CTNNA3: variants seen among roughly 807,000 people sequenced by gnomAD.
CTNNA3 encodes the protein catenin alpha 3.
In CTNNA3, 76 loss-of-function variants were observed where a neutral mutation model predicts 95.7. The observed-to-expected ratio is 0.79, with a 90% CI of 0.66 to 0.96. The LOEUF is 0.96. Ranked by LOEUF, CTNNA3 falls within the 40% of genes least tolerant of loss-of-function variation. The probability of loss-of-function intolerance (pLI) is 0.00; values close to 1 mark genes in which losing one functional copy is unlikely to be tolerated. For missense variants in CTNNA3, 1,191 were observed against 1,089.8 expected (o/e 1.09, Z -1.31); for synonymous variants, 431 against 374.4 (o/e 1.15, Z -1.74).
chr10:66,453,048 T>C (rs2093474803), intron 11 of CTNNA3, among the ~76,000 whole-genome samples: 1 of 132,560 alleles, frequency 7.5e-6, no homozygotes, highest in Non-Finnish European at 1.6e-5. Context: ...ACCTTGTCTC[T>C]ACTAAAAATA....
intron 3 of CTNNA3, among the ~76,000 whole-genome samples, chr10:67,567,044 A>T (rs1292369559): frequency 3.3e-5 from 4 of 121,542 alleles, no homozygotes; most frequent in Non-Finnish European, 5.1e-5. Flanking sequence ...GGGGGGAGGG[A>T]TAGCATTAGG....
chr10:66,110,297 G>A (rs2133774539), intron 13 of CTNNA3, among the ~76,000 whole-genome samples: 1 of 151,158 alleles, frequency 6.6e-6, no homozygotes, highest in African/African-American at 2.4e-5. Flanking sequence ...GGGAGGTGGA[G>A]GTTGCAGTGA....
chr10:66,839,254 G>A (rs968802473), intron 7 of CTNNA3, among the ~76,000 whole-genome samples: 6 of 152,110 alleles, frequency 3.9e-5, no homozygotes, highest in Admixed American at 3.3e-4. Context: ...GACCACTGCT[G>A]ATTACCTACT....
chr10:66,293,708 C>G lies in CTNNA3; in HGVS notation c.1733-13087G>C, dbSNP rs2091728856. Among the ~76,000 whole-genome samples, 4 of 150,644 alleles carry G rather than the reference C, an allele frequency of 2.7e-5. No individual in the cohort carries two copies. In the South Asian group the frequency reaches 8.4e-4, roughly 32 times the overall value. On this transcript the variant is annotated intron_variant, in intron 12 of 17. Coordinates refer to ENST00000433211, the MANE Select transcript of CTNNA3 (RefSeq NM_013266.4). ...TGAGATGAACTCTTATTCTGTCGCC[C>G]AGGCTGGAGTGCAGTGGTGCGATCT...
At chr10:66,797,242 T>C (rs1008582905) in intron 7 of CTNNA3, among the ~76,000 whole-genome samples, 5 of 151,730 alleles carry the variant, frequency 3.3e-5, no homozygotes, top group African/African-American at 7.3e-5. Flanking sequence ...ATCTGGAAAA[T>C]AATTTAAATA....
At chr10:66,856,244 G>A (rs2132396460) in intron 7 of CTNNA3, among the ~76,000 whole-genome samples, 1 of 152,088 alleles carries the variant, frequency 6.6e-6, no homozygotes, top group Admixed American at 6.6e-5. Context: ...TGTGGCAAAG[G>A]ACATGATATT....
At chr10:66,205,842 A>G (rs2087721847) in intron 13 of CTNNA3, among the ~76,000 whole-genome samples, 1 of 151,980 alleles carries the variant, frequency 6.6e-6, no homozygotes, top group African/African-American at 2.4e-5. Flanking sequence ...CTTTTAACAG[A>G]ACTTTTAAGA....
rs61866218 is a variant in CTNNA3, at chr10:66,981,824, G to A, written c.1047+198493C>T. On this transcript the variant is annotated intron_variant, in intron 7 of 17. Transcript: ENST00000433211. ...CAACGACTTAAGAAGTGAGGACATC[G>A]AGCACATTGCATCATCTTCCTGCTG... 2.6e-5 allele frequency among the ~76,000 whole-genome samples: 4 copies of A among 152,292 alleles called. No homozygotes were observed. In the South Asian group the frequency reaches 6.2e-4, roughly 24 times the overall value.
rs1404807461 is a variant in CTNNA3 at position 66,023,889 on chromosome 10, C to T, written c.2160-35092G>A. 2.6e-5 allele frequency among the ~76,000 whole-genome samples: 4 copies of T among 152,184 alleles called. No homozygotes were observed. In the East Asian group the frequency reaches 5.8e-4, roughly 22 times the overall value. ...AAAAAAATTACAAGCTTTTATATAACGGAGAAAAATTTCTACACCCATATG... is the reference window on the plus strand; with the variant it reads ...AAAAAAATTACAAGCTTTTATATAATGGAGAAAAATTTCTACACCCATATG... On this transcript the variant is annotated intron_variant, in intron 15 of 17. Coordinates refer to ENST00000433211, the MANE Select transcript of CTNNA3 (RefSeq NM_013266.4).
In CTNNA3 at chr10:66,766,397, T is replaced by G; in HGVS notation, c.1148A>C (p.Asp383Ala). ...ATCCAGGAAAGAGTCTGACACATGA[T>G]CTATAATAGCCTTGCGGAGCTGAGA... ...LRRQLRKAIIDHVSDSFLDTT... is the reference protein window; with the variant it reads ...LRRQLRKAIIAHVSDSFLDTT... The change falls in exon 9 of 18, where the codon GAT (aspartate) becomes GCT (alanine). Residue 383 changes from aspartate (D) to alanine (A), a missense_variant. Asp to Ala is a moderately radical substitution (Grantham distance 126). Coordinates refer to ENST00000433211, the MANE Select transcript of CTNNA3 (RefSeq NM_013266.4). The G allele has an allele frequency of 6.2e-7, 1 of 1,613,680 alleles. No individual in the cohort carries two copies. Among genetic ancestry groups the G allele is most frequent in the African/African-American group, 1.3e-5 (1 of 75,038 alleles).
At chr10:66,670,939 T>G (rs1221511089) in intron 9 of CTNNA3, among the ~76,000 whole-genome samples, 2 of 152,236 alleles carry the variant, frequency 1.3e-5, no homozygotes, top group Non-Finnish European at 2.9e-5. Context: ...AGTGGATAAC[T>G]TCATGGCTAA....
At chr10:67,699,151 C>G (rs928587295), upstream of CTNNA3, among the ~76,000 whole-genome samples, 3 of 152,154 alleles carry the variant, frequency 2.0e-5, no homozygotes, top group Admixed American at 2.0e-4. Flanking sequence ...GCATTATCAC[C>G]CTTTCTCCAA....
At chr10:66,661,272 A>G (rs1846254230) in intron 9 of CTNNA3, among the ~76,000 whole-genome samples, 1 of 152,120 alleles carries the variant, frequency 6.6e-6, no homozygotes, top group Admixed American at 6.6e-5. Context: ...CATGGCTGGG[A>G]GGCCTCAGAA....
chr10:66,525,048 T>A (rs192583097), intron 10 of CTNNA3, among the ~76,000 whole-genome samples: 1 of 151,284 alleles, frequency 6.6e-6, no homozygotes, highest in Admixed American at 6.6e-5. Context: ...AAACTCCATT[T>A]CAAATAAAAA....
rs1271841154 is a variant in CTNNA3, at chr10:67,539,613, T to C, written c.349A>G (p.Lys117Glu). ...GCAGCTTGAACCACAGCCTCCCTTT[T>C]TGGGAGAAAACAGGGGTCATCTGTA... ...RFTDDPCFLP[K>E]REAVVQAARA... The change falls in exon 4 of 18, where the codon AAA (lysine) becomes GAA (glutamate). Residue 117 changes from lysine (K) to glutamate (E), a missense_variant. Physicochemically the swap from Lys to Glu is moderately conservative, Grantham distance 56 (BLOSUM62 1). Transcript: ENST00000433211. The C allele has an allele frequency of 1.9e-6, 3 of 1,613,830 alleles. No individual in the cohort carries two copies. The highest frequency in any genetic ancestry group is 2.5e-6 in the Non-Finnish European group (3 of 1,179,798).
intron 3 of CTNNA3, among the ~76,000 whole-genome samples, chr10:67,568,455 G>GTA (rs567547887): frequency 1.2e-4 from 16 of 132,230 alleles, no homozygotes; most frequent in Middle Eastern, 3.4e-3. Flanking sequence ...GATTGTTCCA[G>GTA]TATATATATA....
intron 1 of CTNNA3, among the ~76,000 whole-genome samples, chr10:67,690,576 C>T (rs1275241220): frequency 1.3e-5 from 2 of 152,128 alleles, no homozygotes; most frequent in African/African-American, 4.8e-5. Flanking sequence ...CTGATTGGTG[C>T]ATTTTTGCAG....
chr10:67,741,782 C>T (rs1392438317), intron 1 of CTNNA3, among the ~76,000 whole-genome samples: 2 of 151,034 alleles, frequency 1.3e-5, no homozygotes, highest in East Asian at 1.9e-4. Context: ...CACAGACACA[C>T]ATAGGATCAA....
intron 15 of CTNNA3, among the ~76,000 whole-genome samples, chr10:66,032,163 CA>C (rs1489095662): frequency 6.6e-6 from 1 of 152,068 alleles, no homozygotes; most frequent in African/African-American, 2.4e-5. Flanking sequence ...TATATCCTTA[CA>C]TATTATTAGA....
Sources: allele counts gnomAD v4.1 joint callset (sites outside exome capture counted in the v4.1 genomes callset), GRCh38; gene constraint gnomAD v4.1.1; transcripts MANE v1.5; gene names NCBI Gene and HGNC (gene_info 2026-07-23, HGNC 2026-07-21).